FMN2: variants seen among roughly 807,000 people sequenced by gnomAD.
FMN2 encodes the protein formin-2.
A neutral mutation model predicts 142.3 loss-of-function variants in FMN2; 51 were observed. That is an observed-to-expected ratio of 0.36 (90% CI 0.29 to 0.45). FMN2 has a LOEUF of 0.45. Ranked by LOEUF, FMN2 falls within the 20% of genes least tolerant of loss-of-function variation. The pLI, the probability that FMN2 is intolerant of heterozygous loss-of-function variation, is 1.00. For missense variants in FMN2, 1,936 were observed against 2,122.8 expected, an observed-to-expected ratio of 0.91 and a Z score of 1.73; for synonymous variants, 882 against 869.8, an observed-to-expected ratio of 1.01 and a Z score of -0.25.
chr1:240,330,722 T>C lies in FMN2; in HGVS notation c.4557T>C (p.Leu1519=). Reference sequence around the variant, plus strand: ...CAGATGGCTTTGGATTAGACATTCTTCCAAAACTGAAAGATGTCAAGAGCA... The same window carrying C: ...CAGATGGCTTTGGATTAGACATTCTCCCAAAACTGAAAGATGTCAAGAGCA... ...GQADGFGLDI[L]PKLKDVKSSD... is the part of the protein sequence containing the mutation. The change falls in exon 11 of 18, where the codon CTT becomes CTC. Residue 1519 remains leucine, a synonymous_variant. Coordinates refer to ENST00000319653, the MANE Select transcript of FMN2 (RefSeq NM_020066.5). The C allele has an allele frequency of 1.2e-6, 2 of 1,613,982 alleles. No homozygotes were observed.
At chr1:240,170,032 C>G (rs1381051938) in intron 2 of FMN2, 6 of 564,064 alleles carry the variant, frequency 1.1e-5, no homozygotes, top group Non-Finnish European at 1.9e-5. Context: ...TTAATTCCCA[C>G]ACAGATGGAC....
At chr1:240,264,247 C>T (rs1482120107) in intron 7 of FMN2, among the ~76,000 whole-genome samples, 1 of 152,090 alleles carries the variant, frequency 6.6e-6, no homozygotes, top group Non-Finnish European at 1.5e-5. Flanking sequence ...ATTGTCCTCC[C>T]TCAAAAGGGT....
intron 2 of FMN2, among the ~76,000 whole-genome samples, chr1:240,154,005 A>G (rs1304218183): frequency 6.7e-6 from 1 of 149,258 alleles, no homozygotes; most frequent in Non-Finnish European, 1.5e-5. Context: ...AATCACAGCT[A>G]CTCCGGAGGC....
chr1:240,212,742 C>A (rs967778270), intron 6 of FMN2, among the ~76,000 whole-genome samples: 1 of 152,152 alleles, frequency 6.6e-6, no homozygotes, highest in African/African-American at 2.4e-5. Context: ...CGTATCTCCT[C>A]TTTTGGGTTG....
chr1:240,389,452 T>C (rs978685589), intron 14 of FMN2, among the ~76,000 whole-genome samples: 1 of 152,254 alleles, frequency 6.6e-6, no homozygotes, highest in African/African-American at 2.4e-5. Context: ...TTTCTCAAAC[T>C]GAAAAGCATA....
At chr1:240,093,900 G>T (rs1225979457) in intron 1 of FMN2, among the ~76,000 whole-genome samples, 176 bp downstream of exon 1, 1 of 152,212 alleles carries the variant, frequency 6.6e-6, no homozygotes, top group East Asian at 1.9e-4. Flanking sequence ...AAATGACTTG[G>T]ACATACTTGT....
At chr1:240,406,044 C>CGAAGGGAATCAGCCTCGGGAGTG (rs1674150312) in intron 15 of FMN2, among the ~76,000 whole-genome samples, 1 of 36,052 alleles carries the variant, frequency 2.8e-5, no homozygotes, top group Non-Finnish European at 5.8e-5. Context: ...CGTCAGGAGT[C>CGAAGGGAATCAGCCTCGGGAGTG]GGGGAAGCGA....
chr1:240,312,212 C>G (rs1670624163), intron 8 of FMN2, among the ~76,000 whole-genome samples: 1 of 152,140 alleles, frequency 6.6e-6, no homozygotes, highest in South Asian at 2.1e-4. Context: ...GCCACCCACC[C>G]CCTTTTAGTT....
chr1:240,215,855 C>T (rs531334073), intron 6 of FMN2, among the ~76,000 whole-genome samples: 6 of 152,092 alleles, frequency 3.9e-5, no homozygotes, highest in East Asian at 3.9e-4. Context: ...ATTACAGGTG[C>T]GGGCCACCGT....
chr1:240,265,507 C>G lies in FMN2; in HGVS notation c.4153+7475C>G, dbSNP rs558640401. 6.9e-4 allele frequency among the ~76,000 whole-genome samples: 105 copies of G among 152,248 alleles called. 1 individual carries two copies. Among genetic ancestry groups the G allele is most frequent in the Non-Finnish European group, 9.3e-4 (63 of 68,000 alleles). On this transcript the variant is annotated intron_variant, in intron 7 of 17. Coordinates refer to ENST00000319653, the MANE Select transcript of FMN2 (RefSeq NM_020066.5). Reference sequence around the variant, plus strand: ...CTAGGTTTAGATATGTTTCAATACACAAATGCTTATTATTGTAAGAGAGTT... The same window carrying G: ...CTAGGTTTAGATATGTTTCAATACAGAAATGCTTATTATTGTAAGAGAGTT...
At chr1:240,192,457 G>T (rs1372558574) in intron 4 of FMN2, among the ~76,000 whole-genome samples, 3 of 152,066 alleles carry the variant, frequency 2.0e-5, no homozygotes, top group African/African-American at 7.2e-5. Context: ...TTGAGTATGA[G>T]GTCTTTCTCA....
Position 240,093,303 on chromosome 1 carries a change from C to G in FMN2, c.1194C>G (p.Pro398=). 1.9e-6 allele frequency: 3 copies of G among 1,609,560 alleles called. No homozygotes were observed. Among genetic ancestry groups the G allele is most frequent in the Non-Finnish European group, 2.5e-6 (3 of 1,178,222 alleles). ...ACGCCCCCGCGGCCGCTTCCCTGCC[C>G]GGCAGCCCCGCGCCTAGCCAGCGCT... The part of the protein sequence containing the change: ...GPDAPAAASL[P]GSPAPSQRCF... The change falls in exon 1 of 18, where the codon CCC becomes CCG. Residue 398 remains proline (P), a synonymous_variant. Transcript: ENST00000319653.
intron 14 of FMN2, among the ~76,000 whole-genome samples, chr1:240,362,755 CTG>C (rs1457153177): frequency 6.6e-6 from 1 of 152,108 alleles, no homozygotes; most frequent in Non-Finnish European, 1.5e-5. Context: ...TTAAGCTCAA[CTG>C]TTTTTTTGGA....
At chr1:240,337,982 ATGTAG>A (rs994010139) in intron 13 of FMN2, among the ~76,000 whole-genome samples, 24 of 152,260 alleles carry the variant, frequency 1.6e-4, no homozygotes, top group African/African-American at 5.5e-4. Context: ...GCTTTTCTTG[ATGTAG>A]TCATGCCAAA....
chr1:240,452,877 C>A (rs1392581695), intron 16 of FMN2, among the ~76,000 whole-genome samples: 1 of 152,118 alleles, frequency 6.6e-6, no homozygotes, highest in South Asian at 2.1e-4. Flanking sequence ...TGAGTATGTA[C>A]ACAAGTTTAT....
chr1:240,272,627 T>A (rs1669056949), intron 7 of FMN2, among the ~76,000 whole-genome samples: 1 of 152,178 alleles, frequency 6.6e-6, no homozygotes, highest in Admixed American at 6.6e-5. Context: ...ATTGACACTT[T>A]TCACCTTTCC....
rs373802604 is a variant in FMN2 at position 240,183,310 on chromosome 1, A to C, written c.1931-4897A>C. Among the ~76,000 whole-genome samples the C allele has an allele frequency of 1.3e-3, 201 of 151,798 alleles. 4 individuals carry two copies. The highest frequency in any genetic ancestry group is 7.5e-3 in the South Asian group (36 of 4,808). ...ACCAGGGGAGACTTGGTAGTATTCT[A>C]TCTCTCTGAGCCCCTCACTTAATCA... On this transcript the variant is annotated intron_variant, in intron 3 of 17. Transcript: ENST00000319653.
intron 2 of FMN2, among the ~76,000 whole-genome samples, chr1:240,160,884 T>A (rs987560394): frequency 1.3e-5 from 2 of 152,184 alleles, no homozygotes; most frequent in African/African-American, 4.8e-5. Flanking sequence ...TTTACATAAT[T>A]ACTGAACACA....
intron 13 of FMN2, among the ~76,000 whole-genome samples, chr1:240,348,609 T>C (rs1390901138): frequency 2.6e-5 from 4 of 151,880 alleles, no homozygotes; most frequent in Non-Finnish European, 5.9e-5. Context: ...ATGACTTAGG[T>C]TGGAGCCCTG....
Sources: gnomAD v4.1 joint callset for allele counts (sites outside exome capture counted in the v4.1 genomes callset) on GRCh38, gnomAD v4.1.1 for gene constraint, MANE v1.5 for transcripts, NCBI Gene and HGNC (gene_info 2026-07-23, HGNC 2026-07-21) for gene names.